Variants in DIP2A observed in about 807,000 individuals in gnomAD.
DIP2A encodes the protein DIP2 acetate--CoA ligase A, also known as disco-interacting protein 2 homolog A.
A neutral mutation model predicts 177.4 loss-of-function variants in DIP2A; 85 were observed. The ratio of observed to expected loss-of-function variants is 0.48; its 90% CI spans 0.40 to 0.57. The LOEUF is 0.57. Ranked by LOEUF, DIP2A falls within the 20% of genes least tolerant of loss-of-function variation. The pLI, the probability that DIP2A is intolerant of heterozygous loss-of-function variation, is 0.00. For synonymous variants in DIP2A, 886 were observed against 881.8 expected (o/e 1.00, Z -0.08); for missense variants, 1,791 against 2,100.2 (o/e 0.85, Z 2.88).
chr21:46,576,259 C>T, the DIP2A span, among the ~76,000 whole-genome samples: 3 of 152,148 alleles, frequency 2.0e-5, no homozygotes, highest in African/African-American at 4.8e-5. Flanking sequence ...GCTATTTTTC[C>T]TGATGCTCTC....
chr21:46,472,734 T>C (rs920070016), intron 1 of DIP2A, among the ~76,000 whole-genome samples: 11 of 152,108 alleles, frequency 7.2e-5, no homozygotes, highest in Non-Finnish European at 1.0e-4. Context: ...AGTAAGGAAT[T>C]TGGACTTGAT....
Position 46,537,333 on chromosome 21 carries a change from A to C in DIP2A, c.1707+45A>C. 1.9e-6 allele frequency: 3 copies of C among 1,612,362 alleles called. No individual in the cohort carries two copies. Among genetic ancestry groups the C allele is most frequent in the Non-Finnish European group, 2.5e-6 (3 of 1,178,422 alleles). ...GACTAACTGTTGGAACAAGGGATTG[A>C]GATGAACCCAAGCCTCTGCCTGAAA... On this transcript the variant is annotated intron_variant, in intron 14 of 37. Coordinates refer to ENST00000417564, the MANE Select transcript of DIP2A (RefSeq NM_015151.4). This position sits in a 1 kb window ranked among gnomAD's most constrained non-coding sequence, Gnocchi z 4.1.
chr21:46,582,641 C>T, the DIP2A span, among the ~76,000 whole-genome samples: 45 of 152,222 alleles, frequency 3.0e-4, no homozygotes, highest in African/African-American at 9.6e-4. Flanking sequence ...GTGCCAACCA[C>T]CTAGTCAGTC....
At position 46,554,911 on chromosome 21, in the gene DIP2A, C is replaced by G; in HGVS notation, c.3366C>G (p.Thr1122=). 1 of 1,552,634 alleles carries G rather than the reference C, an allele frequency of 6.4e-7. No homozygotes were observed. Among genetic ancestry groups the G allele is most frequent in the African/African-American group, 1.4e-5 (1 of 73,228 alleles). The change falls in exon 28 of 38, where the codon ACC becomes ACG. Residue 1122 remains threonine, a synonymous_variant. Transcript: ENST00000417564. Reference sequence around the variant, plus strand: ...CTGCTGCTGCCGTGGACATCAGGACCTGGCCCACCATCCTAGACACAGGTG... The same window carrying G: ...CTGCTGCTGCCGTGGACATCAGGACGTGGCCCACCATCCTAGACACAGGTG... The part of the protein sequence containing the change: ...KEAAAAVDIR[T]WPTILDTDDI...
intron 2 of DIP2A, among the ~76,000 whole-genome samples, chr21:46,486,394 A>C (rs906376130): frequency 6.6e-6 from 1 of 152,078 alleles, no homozygotes; most frequent in Non-Finnish European, 1.5e-5. Flanking sequence ...GGGTCTCGCT[A>C]TGTTGCCCAG....
downstream of DIP2A, among the ~76,000 whole-genome samples, chr21:46,572,969 T>C (rs551150368): frequency 1.8e-4 from 28 of 152,314 alleles, no homozygotes; most frequent in Middle Eastern, 6.8e-3. Flanking sequence ...CTATATCATA[T>C]AGCCTAGGTG....
rs910933549 is a variant in DIP2A at position 46,557,169 on chromosome 21, C to T, written c.3629+100C>T. ...CACCTTTTCTGGGTGCTCAGGAAGC[C>T]GATGAGATGTGTGTGAGTGGGTTTG... On this transcript the variant is annotated intron_variant, in intron 30 of 37. Coordinates refer to ENST00000417564, the MANE Select transcript of DIP2A (RefSeq NM_015151.4). This position sits in a 1 kb window ranked among gnomAD's most constrained non-coding sequence, Gnocchi z 6.0. The T allele has an allele frequency of 3.4e-5, 46 of 1,362,946 alleles. No individual in the cohort carries two copies. The highest frequency in any genetic ancestry group is 2.7e-4 in the Middle Eastern group (1 of 3,772). 84.4% of individuals were successfully genotyped at this position (1,362,946 alleles called of 1,614,324 possible).
chr21:46,570,439 A>C (rs911346393), downstream of DIP2A, among the ~76,000 whole-genome samples: 2 of 152,276 alleles, frequency 1.3e-5, no homozygotes, highest in South Asian at 4.1e-4. Context: ...TATTTTGTTC[A>C]GATTTGGCAG....
chr21:46,573,629 G>A (rs1287756817), downstream of DIP2A, among the ~76,000 whole-genome samples: 108 of 82,910 alleles, frequency 1.3e-3, 1 homozygote, highest in African/African-American at 4.6e-3. Context: ...GGGAGACAGA[G>A]TAAGACCCTC....
rs778129153 is a variant in DIP2A, at chr21:46,563,831, C to T, written c.4090-27C>T. The T allele has an allele frequency of 5.0e-6, 8 of 1,610,198 alleles. No homozygotes were observed. The highest frequency in any genetic ancestry group is 1.3e-5 in the African/African-American group (1 of 74,682). On this transcript the variant is annotated intron_variant, in intron 34 of 37. Coordinates refer to ENST00000417564, the MANE Select transcript of DIP2A (RefSeq NM_015151.4). This position sits in a 1 kb window ranked among gnomAD's most constrained non-coding sequence, Gnocchi z 4.3. ...GAGTCTCGTGTCATGTTTTCTTTAA[C>T]AAGGGACATAGCTCTCCTCCTTCCA...
At chr21:46,481,461 C>T (rs1601422127) in intron 1 of DIP2A, among the ~76,000 whole-genome samples, 2 of 152,116 alleles carry the variant, frequency 1.3e-5, no homozygotes, top group East Asian at 3.8e-4. Flanking sequence ...TTTTACTTCT[C>T]TAGGGTAGAT....
In DIP2A at chr21:46,550,990, A is replaced by G. The variant is rs2060252147; in HGVS notation, c.2839+246A>G. Among the ~76,000 whole-genome samples the G allele has an allele frequency of 2.0e-5, 3 of 152,244 alleles. No homozygotes were observed. The South Asian group carries it at 6.2e-4, about 32-fold the overall frequency. ...GTTTCCACCTGCCTGTTAGGAACCA[A>G]TTTTAATGATAAACTCAAGGATGGC... On this transcript the variant is annotated intron_variant, in intron 23 of 37. Coordinates refer to ENST00000417564, the MANE Select transcript of DIP2A (RefSeq NM_015151.4).
intron 28 of DIP2A, chr21:46,555,745 C>T: frequency 1.8e-6 from 1 of 542,904 alleles, no homozygotes; most frequent in South Asian, 2.0e-5. Context: ...CCTGCCTCGT[C>T]CCCCATCCCC....
intron 1 of DIP2A, among the ~76,000 whole-genome samples, chr21:46,463,719 T>TGTGTGTGTGTGTG (rs35675489): frequency 4.1e-5 from 5 of 122,412 alleles, no homozygotes; most frequent in Admixed American, 7.3e-5. Flanking sequence ...TGTGTGTGTG[T>TGTGTGTGTGTGTG]ATATTTTGAG....
intron 37 of DIP2A, 95 bp downstream of exon 37, chr21:46,566,778 C>T: frequency 6.7e-7 from 1 of 1,501,070 alleles, no homozygotes. Flanking sequence ...GCAAGGACTG[C>T]TGGGCCCTGG....
rs1005575466 is a variant in DIP2A at position 46,546,059 on chromosome 21, C to T, written c.2394+98C>T. ...CAGCCCCACCCTTGTCCTGGCCGTT[C>T]CTGACCTCCCATGTGGCCTTGGTCG... is the stretch of plus-strand genomic sequence containing the variant. On this transcript the variant is annotated intron_variant, in intron 20 of 37. Coordinates refer to ENST00000417564, the MANE Select transcript of DIP2A (RefSeq NM_015151.4). 4.0e-5 allele frequency: 63 copies of T among 1,588,356 alleles called. No homozygotes were observed. The Admixed American group carries it at 1.1e-3, about 27-fold the overall frequency.
At chr21:46,506,040 G>C (rs753660857) in intron 6 of DIP2A, among the ~76,000 whole-genome samples, 1 of 152,130 alleles carries the variant, frequency 6.6e-6, no homozygotes, top group African/African-American at 2.4e-5. Context: ...TCTTGTATAC[G>C]TTTTTGCATA....
chr21:46,497,159 T>G, intron 4 of DIP2A, 52 bp downstream of exon 4: 1 of 1,583,242 alleles, frequency 6.3e-7, no homozygotes, highest in East Asian at 2.3e-5. Context: ...TTCACAGGCC[T>G]GATGTTATCC....
At chr21:46,578,478 A>G in the DIP2A span, among the ~76,000 whole-genome samples, 15 of 152,152 alleles carry the variant, frequency 9.9e-5, no homozygotes, top group African/African-American at 3.6e-4. Context: ...CCCTTGCTAG[A>G]ACTTCCAATG....
Sources: gnomAD v4.1 joint callset for allele counts (sites outside exome capture counted in the v4.1 genomes callset) on GRCh38, gnomAD v4.1.1 for gene constraint, Gnocchi (gnomAD v3.1) non-coding constraint, MANE v1.5 for transcripts, NCBI Gene and HGNC (gene_info 2026-07-23, HGNC 2026-07-21) for gene names.